AGAP1: variants seen among roughly 807,000 people sequenced by gnomAD.
AGAP1 encodes the protein arf-GAP with GTPase, ANK repeat and PH domain-containing protein 1.
AGAP1 carries 29 observed loss-of-function variants against 105.3 expected under a neutral mutation model. The ratio of observed to expected loss-of-function variants is 0.28; its 90% confidence interval spans 0.21 to 0.38. The LOEUF is 0.38. Ranked by LOEUF, AGAP1 falls within the 10% of genes least tolerant of loss-of-function variation. AGAP1 has a pLI of 1.00. For missense variants in AGAP1, 998 were observed against 1,165.1 expected (o/e 0.86, Z 2.09); for synonymous variants, 509 against 485.9 (o/e 1.05, Z -0.63).
At chr2:236,007,795 C>G in intron 13 of AGAP1, among the ~76,000 whole-genome samples, 1 of 152,232 alleles carries the variant, frequency 6.6e-6, no homozygotes, top group East Asian at 1.9e-4. Flanking sequence ...GCCTTCCCCT[C>G]TCGGCATCAC....
At chr2:235,512,095 G>GTGTA (rs1553555069) in intron 1 of AGAP1, among the ~76,000 whole-genome samples, 20 of 143,636 alleles carry the variant, frequency 1.4e-4, no homozygotes, top group Non-Finnish European at 2.3e-4. Context: ...GTGAATGTGT[G>GTGTA]TGTGTGTGAA....
At chr2:235,515,057 A>C (rs1025165088) in intron 1 of AGAP1, among the ~76,000 whole-genome samples, 1 of 152,036 alleles carries the variant, frequency 6.6e-6, no homozygotes. Context: ...AAAGTCCTTA[A>C]ATTTAGGTAA....
At chr2:236,077,532 T>C (rs2125822322) in intron 16 of AGAP1, among the ~76,000 whole-genome samples, 1 of 152,234 alleles carries the variant, frequency 6.6e-6, no homozygotes, top group East Asian at 1.9e-4. Flanking sequence ...TTGGTCAGGC[T>C]TGTCTCAAAT....
intron 9 of AGAP1, chr2:235,852,799 G>GCATTGTGCTGAA: frequency 1.3e-6 from 2 of 1,528,866 alleles, no homozygotes; most frequent in South Asian, 2.5e-5. Flanking sequence ...AGACCAGCCC[G>GCATTGTGCTGAA]CATTGTGCTG....
intron 1 of AGAP1, among the ~76,000 whole-genome samples, chr2:235,558,306 G>T (rs1056496070): frequency 6.6e-6 from 1 of 152,156 alleles, no homozygotes; most frequent in Non-Finnish European, 1.5e-5. Context: ...CATCACCTCT[G>T]TTGTCTGTCC....
rs548335059 is a variant in AGAP1, at chr2:236,027,335, G to C, written c.1646-9226G>C. Reference sequence around the variant, plus strand: ...GATTCCACTCGGCAGTGTTGGTGTAGAGTGGCCTTAATTAGGCTCTGTGCT... The same window carrying C: ...GATTCCACTCGGCAGTGTTGGTGTACAGTGGCCTTAATTAGGCTCTGTGCT... On this transcript the variant is annotated intron_variant, in intron 13 of 17. Coordinates refer to ENST00000304032, the MANE Select transcript of AGAP1 (RefSeq NM_001037131.3). The surrounding 1 kb of genome is among the most constrained non-coding windows in gnomAD (Gnocchi z 4.4). 3.3e-5 allele frequency among the ~76,000 whole-genome samples: 5 copies of C among 152,300 alleles called. No homozygotes were observed. In the South Asian group the frequency reaches 1.0e-3, roughly 32 times the overall value.
intron 9 of AGAP1, among the ~76,000 whole-genome samples, chr2:235,854,719 G>T (rs575323458): frequency 6.6e-6 from 1 of 152,362 alleles, no homozygotes; most frequent in Admixed American, 6.5e-5. Flanking sequence ...GCTGATGGCA[G>T]TGAATTGTGG....
Position 235,867,029 on chromosome 2 carries a change from C to T in AGAP1, c.1051-16316C>T, listed in dbSNP as rs547197607. On this transcript the variant is annotated intron_variant, in intron 9 of 17. Coordinates refer to ENST00000304032, the MANE Select transcript of AGAP1 (RefSeq NM_001037131.3). The surrounding 1 kb of genome is among the most constrained non-coding windows in gnomAD (Gnocchi z 5.4). The stretch of plus-strand genomic sequence containing the variant: ...TAGTCATCGTCTAAGGGATGGGCGT[C>T]GGGGGGTGCTTGCTTATGCGGAGCC... 3.3e-5 allele frequency among the ~76,000 whole-genome samples: 5 copies of T among 152,252 alleles called. No individual in the cohort carries two copies. The South Asian group carries it at 6.2e-4, about 19-fold the overall frequency.
At chr2:235,885,651 G>A (rs2050240367) in intron 10 of AGAP1, among the ~76,000 whole-genome samples, 1 of 152,168 alleles carries the variant, frequency 6.6e-6, no homozygotes, top group African/African-American at 2.4e-5. Flanking sequence ...AATATGATAG[G>A]TAGCACATGG....
chr2:236,025,908 G>GTGGGTGGGTGGGAGGATGGA, intron 13 of AGAP1, among the ~76,000 whole-genome samples: 1 of 100,314 alleles, frequency 1.0e-5, no homozygotes, highest in Admixed American at 8.8e-5. Context: ...TCTCGGGTGG[G>GTGGGTGGGTGGGAGGATGGA]TGGATGGATG....
At chr2:236,022,482 G>C (rs2056916901) in intron 13 of AGAP1, among the ~76,000 whole-genome samples, 1 of 152,132 alleles carries the variant, frequency 6.6e-6, no homozygotes, top group African/African-American at 2.4e-5. Flanking sequence ...TATATCCATA[G>C]GTTTCTTGGT....
rs894373612 is a variant in AGAP1 at position 235,664,496 on chromosome 2, G to C, written c.164-44683G>C. 2.0e-5 allele frequency among the ~76,000 whole-genome samples: 3 copies of C among 152,208 alleles called. No homozygotes were observed. ...GCCTCCCAAAGTGCTGGGATTACAA[G>C]CATGAGCCACCACACTTGGCCTGAT... On this transcript the variant is annotated intron_variant, in intron 1 of 17. Coordinates refer to ENST00000304032, the MANE Select transcript of AGAP1 (RefSeq NM_001037131.3). This position sits in a 1 kb window ranked among gnomAD's most constrained non-coding sequence, Gnocchi z 5.7.
intron 8 of AGAP1, among the ~76,000 whole-genome samples, chr2:235,804,042 C>G (rs2317003): frequency 0.23 from 35,394 of 152,154 alleles, 5,168 homozygotes; most frequent in Admixed American, 0.4. Flanking sequence ...CCACACGCTT[C>G]ATCAAATACA....
intron 1 of AGAP1, among the ~76,000 whole-genome samples, chr2:235,515,991 C>T (rs779743731): frequency 8.6e-5 from 13 of 151,908 alleles, no homozygotes; most frequent in Non-Finnish European, 1.5e-4. Context: ...CTCCGAGTAT[C>T]GTGACAGGTG....
intron 16 of AGAP1, among the ~76,000 whole-genome samples, chr2:236,111,866 A>G (rs1426054049): frequency 6.6e-6 from 1 of 151,864 alleles, no homozygotes; most frequent in Non-Finnish European, 1.5e-5. Context: ...AGACCTGCCC[A>G]TGGCATCCCC....
At position 235,566,346 on chromosome 2, in the gene AGAP1, G is replaced by A. The variant is rs1029033543; in HGVS notation, c.163+71497G>A. On this transcript the variant is annotated intron_variant, in intron 1 of 17. Transcript: ENST00000304032. This position sits in a 1 kb window ranked among gnomAD's most constrained non-coding sequence, Gnocchi z 5.2. Reference sequence around the variant, plus strand: ...GGCCTCCTAAAGTGTTGGGATTACAGATATAAGCCATCACGCCCGGCCTTG... The same window carrying A: ...GGCCTCCTAAAGTGTTGGGATTACAAATATAAGCCATCACGCCCGGCCTTG... Among the ~76,000 whole-genome samples, 1 of 152,154 alleles carries A rather than the reference G, an allele frequency of 6.6e-6. No individual in the cohort carries two copies. The highest frequency in any genetic ancestry group is 2.1e-4 in the South Asian group (1 of 4,830).
At chr2:235,763,670 G>A (rs1954656785) in intron 6 of AGAP1, among the ~76,000 whole-genome samples, 2 of 152,160 alleles carry the variant, frequency 1.3e-5, no homozygotes, top group Admixed American at 6.5e-5. Flanking sequence ...TTCTCCAGCA[G>A]CTGCCCTTTT....
chr2:235,707,031 G>A (rs1045136304), intron 1 of AGAP1, among the ~76,000 whole-genome samples: 3 of 152,226 alleles, frequency 2.0e-5, no homozygotes, highest in Non-Finnish European at 4.4e-5. Flanking sequence ...ATCTGTCCAC[G>A]GGTAATGTTT....
At chr2:236,102,417 CAAAA>C (rs34989933) in intron 16 of AGAP1, among the ~76,000 whole-genome samples, 6 of 66,218 alleles carry the variant, frequency 9.1e-5, no homozygotes, top group East Asian at 9.0e-4. Context: ...GACTCCATCT[CAAAA>C]AAAAAAAAAA....
Sources: gnomAD v4.1 joint callset for allele counts (sites outside exome capture counted in the v4.1 genomes callset) on GRCh38, gnomAD v4.1.1 for gene constraint, Gnocchi (gnomAD v3.1) non-coding constraint, MANE v1.5 for transcripts, NCBI Gene and HGNC (gene_info 2026-07-23, HGNC 2026-07-21) for gene names.